PPFIBP2: variants seen among roughly 807,000 people sequenced by gnomAD.
PPFIBP2 encodes the protein liprin-beta-2.
Under a neutral mutation model 118.3 loss-of-function variants are expected in PPFIBP2, and 118 were observed. The ratio of observed to expected loss-of-function variants is 1.00; its 90% CI spans 0.86 to 1.16. The LOEUF (loss-of-function observed/expected upper bound fraction) is 1.16, where lower values mean the gene tolerates loss of function less well. Among genes scored for constraint, PPFIBP2 ranks in the 50% most tolerant of loss-of-function variants. The pLI is 0.00. For missense variants in PPFIBP2, 1,195 were observed against 1,073.1 expected, an observed-to-expected ratio of 1.11 and a Z score of -1.59; for synonymous variants, 414 against 397.4, an observed-to-expected ratio of 1.04 and a Z score of -0.50.
At chr11:7,638,390 C>A (rs1056255644) in intron 14 of PPFIBP2, among the ~76,000 whole-genome samples, 2 of 152,210 alleles carry the variant, frequency 1.3e-5, no homozygotes, top group African/African-American at 4.8e-5. Context: ...TTCTACTCCA[C>A]CAGCCAGTTC....
In PPFIBP2 at chr11:7,653,693, T is replaced by G. The variant is rs1854408515; in HGVS notation, c.*475T>G. 1.6e-6 allele frequency: 2 copies of G among 1,282,526 alleles called. No homozygotes were observed. Among genetic ancestry groups the G allele is most frequent in the African/African-American group, 3.0e-5 (2 of 65,604 alleles). The allele number at this position is 1,282,526 out of a possible 1,614,324, so 79.4% of individuals were successfully genotyped here. A position where few individuals can be genotyped will look rare whatever the true frequency, so the allele number is the denominator to read the frequency against. On this transcript the variant is annotated 3_prime_UTR_variant, in exon 24 of 24. Transcript: ENST00000299492. ...TTCTGCCACAGTGACAATGGAATTG[T>G]GTTGTGCCTTACTTCAGAGGTGGTC...
chr11:7,633,575 G>T (rs1167829279), intron 12 of PPFIBP2, among the ~76,000 whole-genome samples: 1 of 152,138 alleles, frequency 6.6e-6, no homozygotes, highest in Non-Finnish European at 1.5e-5. Flanking sequence ...TTCAGCTAAG[G>T]TGTTGGGGCA....
intron 5 of PPFIBP2, among the ~76,000 whole-genome samples, chr11:7,598,928 A>T (rs186567204): frequency 3.1e-5 from 4 of 127,962 alleles, no homozygotes. Context: ...TTTTATATAT[A>T]TGTCTTCATA....
chr11:7,592,409 TG>T (rs1859500418), intron 3 of PPFIBP2, among the ~76,000 whole-genome samples: 2 of 152,200 alleles, frequency 1.3e-5, no homozygotes, highest in Non-Finnish European at 2.9e-5. Flanking sequence ...TCTGGCTACC[TG>T]TAATTTCCTT....
intron 5 of PPFIBP2, among the ~76,000 whole-genome samples, chr11:7,599,267 A>G (rs1295597848): frequency 6.6e-6 from 1 of 152,164 alleles, no homozygotes; most frequent in Non-Finnish European, 1.5e-5. Flanking sequence ...GAGAAGGATA[A>G]GGGAAGAAGA....
chr11:7,606,164 A>G (rs1847314571), intron 5 of PPFIBP2: 1 of 963,010 alleles, frequency 1.0e-6, no homozygotes, highest in Non-Finnish European at 1.5e-6. Context: ...CTGGCTTGGA[A>G]GCAGCCCTGG....
Position 7,532,394 on chromosome 11 carries a change from G to A in PPFIBP2, c.-36-17046G>A, listed in dbSNP as rs375706222. ...GTGGGTACAATTCAGCTCATAACAGGGTGTTTCCAAAATCCTCATTGAACA... is the reference window on the plus strand; with the variant it reads ...GTGGGTACAATTCAGCTCATAACAGAGTGTTTCCAAAATCCTCATTGAACA... On this transcript the variant is annotated intron_variant, in intron 1 of 23. Coordinates refer to ENST00000299492, the MANE Select transcript of PPFIBP2 (RefSeq NM_003621.5). 9.3e-4 allele frequency among the ~76,000 whole-genome samples: 142 copies of A among 152,226 alleles called. 3 individuals carry two copies. In the South Asian group the frequency reaches 0.028, roughly 30 times the overall value.
intron 8 of PPFIBP2, among the ~76,000 whole-genome samples, chr11:7,627,737 A>G (rs751149564): frequency 7.9e-5 from 12 of 152,262 alleles, no homozygotes; most frequent in Non-Finnish European, 1.6e-4. Flanking sequence ...GCATTTGCAT[A>G]TATGTATATA....
At chr11:7,663,800 ACTC>A in the PPFIBP2 span, among the ~76,000 whole-genome samples, 1 of 151,914 alleles carries the variant, frequency 6.6e-6, no homozygotes, top group South Asian at 2.1e-4. Flanking sequence ...AATCAGCGAG[ACTC>A]CCTGGGCGTA....
intron 1 of PPFIBP2, among the ~76,000 whole-genome samples, chr11:7,535,657 A>G (rs1276399374): frequency 6.6e-6 from 1 of 152,224 alleles, no homozygotes; most frequent in Non-Finnish European, 1.5e-5. Context: ...TATAACTACC[A>G]TCATGAGAAC....
At chr11:7,629,989 A>G (rs1334493257) in intron 10 of PPFIBP2, among the ~76,000 whole-genome samples, 1 of 152,172 alleles carries the variant, frequency 6.6e-6, no homozygotes, top group Admixed American at 6.5e-5. Context: ...CTGAGTTGCT[A>G]TAGGAAGTCA....
intron 14 of PPFIBP2, among the ~76,000 whole-genome samples, chr11:7,636,863 A>G (rs1206909140): frequency 6.6e-6 from 1 of 152,172 alleles, no homozygotes; most frequent in Non-Finnish European, 1.5e-5. Context: ...CGTCCTCCCC[A>G]GAATAGCTAC....
Position 7,629,543 on chromosome 11 carries a change from A to G in PPFIBP2, c.964+9A>G. The stretch of plus-strand genomic sequence containing the variant: ...TGTGATGGTCACTCAAGGTAAGAGC[A>G]AGGGCGATCCTACCGTTGTCTCTGA... On this transcript the variant is annotated intron_variant, in intron 10 of 23. Transcript: ENST00000299492. 2 of 1,613,410 alleles carry G rather than the reference A, an allele frequency of 1.2e-6. No homozygotes were observed. The highest frequency in any genetic ancestry group is 1.7e-6 in the Non-Finnish European group (2 of 1,179,348).
intron 7 of PPFIBP2, among the ~76,000 whole-genome samples, chr11:7,621,665 C>A (rs1181989288): frequency 6.6e-6 from 1 of 152,062 alleles, no homozygotes; most frequent in African/African-American, 2.4e-5. Context: ...TTTTTTTGGC[C>A]TGCACATTGG....
rs1853605516 is a variant in PPFIBP2, at chr11:7,649,238, G to A, written c.1998+3G>A. 1.2e-6 allele frequency: 2 copies of A among 1,610,316 alleles called. No homozygotes were observed. The highest frequency in any genetic ancestry group is 1.7e-6 in the Non-Finnish European group (2 of 1,176,884). Reference sequence around the variant, plus strand: ...GAATGCTGCAATACCTAACTGTGGTGAGGACTTTTTCTTTAAATATTTCAG... The same window carrying A: ...GAATGCTGCAATACCTAACTGTGGTAAGGACTTTTTCTTTAAATATTTCAG... On this transcript the variant is annotated splice_donor_region_variant and intron_variant, in intron 20 of 23. Transcript: ENST00000299492.
chr11:7,557,924 C>T (rs1237994394), intron 2 of PPFIBP2, among the ~76,000 whole-genome samples: 1 of 152,186 alleles, frequency 6.6e-6, no homozygotes, highest in South Asian at 2.1e-4. Flanking sequence ...AAATACAACA[C>T]TTTAAAAATT....
At chr11:7,635,967 G>A (rs74921142) in intron 14 of PPFIBP2, among the ~76,000 whole-genome samples, 8,826 of 152,164 alleles carry the variant, frequency 0.058, 307 homozygotes, top group Middle Eastern at 0.099. Context: ...AAAAACACAA[G>A]TGTACACTCA....
rs149470728 is a variant in PPFIBP2, at chr11:7,639,801, G to A, written c.1306G>A (p.Gly436Arg). The A allele has an allele frequency of 1.0e-4, 169 of 1,613,920 alleles. No individual in the cohort carries two copies. Among genetic ancestry groups the A allele is most frequent in the Non-Finnish European group, 1.3e-4 (159 of 1,179,992 alleles). ...GAAGCTTTCAGGAGCCACGCCCAAT[G>A]GAGAGGCTGCCAAATCTCCTCCCAC... The part of the protein sequence containing the change: ...PGKLSGATPN[G>R]EAAKSPPTIC... Residue 436 changes from glycine to arginine, a missense_variant, in exon 15 of 24, where the codon GGA (glycine) becomes AGA (arginine). Physicochemically the swap from Gly to Arg is moderately radical, Grantham distance 125. Coordinates refer to ENST00000299492, the MANE Select transcript of PPFIBP2 (RefSeq NM_003621.5).
chr11:7,518,879 C>T (rs762312673), intron 1 of PPFIBP2, among the ~76,000 whole-genome samples: 7 of 151,954 alleles, frequency 4.6e-5, no homozygotes, highest in Non-Finnish European at 1.0e-4. Flanking sequence ...CGAGTATGGG[C>T]GGGAGAGAAG....
Sources: allele counts gnomAD v4.1 joint callset (sites outside exome capture counted in the v4.1 genomes callset), GRCh38; gene constraint gnomAD v4.1.1; transcripts MANE v1.5; gene names NCBI Gene and HGNC (gene_info 2026-07-23, HGNC 2026-07-21).